The following LSM12 variants were observed in gnomAD, a reference collection of about 807,000 sequenced individuals.
LSM12 encodes protein LSM12.
For synonymous variants in LSM12, 74 were observed against 87.3 expected (o/e 0.85, Z 0.85); for missense variants, 108 against 238.9 (o/e 0.45, Z 3.61).
intron 2 of LSM12, among the ~76,000 whole-genome samples, chr17:44,043,337 T>C (rs549806228): frequency 1.4e-4 from 21 of 152,282 alleles, no homozygotes; most frequent in South Asian, 1.0e-3. Flanking sequence ...ATATAATCTT[T>C]CAAGACTGGC....
intron 1 of LSM12, 122 bp downstream of exon 1, chr17:44,066,341 GC>G: frequency 2.3e-6 from 3 of 1,301,560 alleles, no homozygotes; most frequent in Non-Finnish European, 3.0e-6. Flanking sequence ...TGCGCCCCGG[GC>G]GCCGCGGTAG....
chr17:44,062,713 C>A (rs997893770), intron 2 of LSM12, among the ~76,000 whole-genome samples: 3 of 151,800 alleles, frequency 2.0e-5, no homozygotes, highest in Non-Finnish European at 4.4e-5. Flanking sequence ...ATGGTGAAAC[C>A]CCATCTCTAC....
intron 2 of LSM12, among the ~76,000 whole-genome samples, chr17:44,060,111 G>A (rs1425580446): frequency 6.6e-6 from 1 of 152,204 alleles, no homozygotes; most frequent in Non-Finnish European, 1.5e-5. Flanking sequence ...CTTGCAGTGA[G>A]CCGAGATGGC....
At chr17:44,041,325 ACACACACAAAC>A (rs1567955876) in intron 2 of LSM12, among the ~76,000 whole-genome samples, 13 of 145,696 alleles carry the variant, frequency 8.9e-5, no homozygotes, top group African/African-American at 2.9e-4. Context: ...ACACACACAC[ACACACACAAAC>A]ACACACACAC....
At chr17:44,041,330 C>A (rs4040641) in intron 2 of LSM12, among the ~76,000 whole-genome samples, 41,862 of 118,810 alleles carry the variant, frequency 0.35, 7,342 homozygotes, top group Middle Eastern at 0.46. Flanking sequence ...CACACACACA[C>A]ACAAACACAC....
At chr17:44,047,573 TTC>T (rs979194138) in intron 2 of LSM12, among the ~76,000 whole-genome samples, 1 of 151,608 alleles carries the variant, frequency 6.6e-6, no homozygotes, top group Non-Finnish European at 1.5e-5. Context: ...CATTATTATT[TTC>T]TTTTTTGAGA....
At chr17:44,044,126 T>C (rs1328208591) in intron 2 of LSM12, among the ~76,000 whole-genome samples, 1 of 151,844 alleles carries the variant, frequency 6.6e-6, no homozygotes, top group Non-Finnish European at 1.5e-5. Context: ...GAGACAAGAG[T>C]TGGCTCAGGA....
intron 2 of LSM12, among the ~76,000 whole-genome samples, chr17:44,044,952 T>C (rs910154530): frequency 1.3e-5 from 2 of 152,194 alleles, no homozygotes; most frequent in Non-Finnish European, 2.9e-5. Context: ...AGAGAACCAA[T>C]AAAAGCTGCC....
At chr17:44,058,915 C>T (rs2049757986) in intron 2 of LSM12, among the ~76,000 whole-genome samples, 1 of 151,866 alleles carries the variant, frequency 6.6e-6, no homozygotes, top group African/African-American at 2.4e-5. Flanking sequence ...GGAAAGATCA[C>T]TTGAGCGAAC....
At chr17:44,049,767 G>A (rs2049618387) in intron 2 of LSM12, among the ~76,000 whole-genome samples, 1 of 152,188 alleles carries the variant, frequency 6.6e-6, no homozygotes, top group African/African-American at 2.4e-5. Context: ...GGAATCCAGA[G>A]GGATTCCTAC....
chr17:44,062,380 G>C (rs1253721623), intron 2 of LSM12, among the ~76,000 whole-genome samples: 1 of 152,180 alleles, frequency 6.6e-6, no homozygotes, highest in Non-Finnish European at 1.5e-5. Context: ...GGTACTATGA[G>C]AGAGAATAAT....
chr17:44,041,329 AC>A (rs1567955894), intron 2 of LSM12, among the ~76,000 whole-genome samples: 89 of 129,802 alleles, frequency 6.9e-4, no homozygotes, highest in African/African-American at 1.8e-3. Flanking sequence ...ACACACACAC[AC>A]ACAAACACAC....
chr17:44,064,831 T>C (rs1434312408), intron 1 of LSM12, among the ~76,000 whole-genome samples: 2 of 152,150 alleles, frequency 1.3e-5, no homozygotes, highest in Non-Finnish European at 2.9e-5. Context: ...CCTCTTATTT[T>C]TTTAAAAAAG....
At chr17:44,064,235 T>C (rs1400806050) in intron 1 of LSM12, among the ~76,000 whole-genome samples, 1 of 145,202 alleles carries the variant, frequency 6.9e-6, no homozygotes, top group African/African-American at 2.4e-5. Flanking sequence ...GAGCTAGACC[T>C]TTCTGTTCTT....
chr17:44,046,211 A>T (rs539069051), intron 2 of LSM12, among the ~76,000 whole-genome samples: 13 of 151,990 alleles, frequency 8.6e-5, no homozygotes, highest in Middle Eastern at 3.4e-3. Flanking sequence ...CTGGGATTAC[A>T]GGTGTGAGTC....
chr17:44,066,271 G>A (rs903085416), intron 1 of LSM12, among the ~76,000 whole-genome samples, 193 bp downstream of exon 1: 2 of 152,084 alleles, frequency 1.3e-5, no homozygotes, highest in African/African-American at 4.8e-5. Context: ...AGAGAGACAG[G>A]ATCCCCAAAG....
chr17:44,065,900 G>C (rs2049867507), intron 1 of LSM12, among the ~76,000 whole-genome samples: 1 of 151,498 alleles, frequency 6.6e-6, no homozygotes, highest in East Asian at 1.9e-4. Flanking sequence ...AGCGAAACAA[G>C]CCACTATCCC....
At chr17:44,054,238 A>AC (rs1007173047) in intron 2 of LSM12, among the ~76,000 whole-genome samples, 2 of 152,068 alleles carry the variant, frequency 1.3e-5, no homozygotes, top group Admixed American at 1.3e-4. Flanking sequence ...GCAGCACTGT[A>AC]CCCCCATCAT....
intron 2 of LSM12, among the ~76,000 whole-genome samples, chr17:44,058,892 T>C (rs2049757527): frequency 6.6e-6 from 1 of 151,682 alleles, no homozygotes; most frequent in Non-Finnish European, 1.5e-5. Context: ...CCCAGCTACT[T>C]GGGAGGCGAG....
Sources: allele counts gnomAD v4.1 joint callset (sites outside exome capture counted in the v4.1 genomes callset), GRCh38; gene constraint gnomAD v4.1.1; transcripts MANE v1.5; gene names NCBI Gene and HGNC (gene_info 2026-07-23, HGNC 2026-07-21).